The following CCDC57 variants were observed in gnomAD, a reference collection of about 807,000 sequenced individuals.
CCDC57 encodes coiled-coil domain containing 57, also known as coiled-coil domain-containing protein 57.
In CCDC57, 118 loss-of-function variants were observed where a neutral mutation model predicts 118.9. The ratio of observed to expected loss-of-function variants is 0.99; its 90% CI spans 0.86 to 1.16. The LOEUF (loss-of-function observed/expected upper bound fraction) is 1.16, where lower values mean the gene tolerates loss of function less well. Among genes scored for constraint, CCDC57 ranks in the 50% most tolerant of loss-of-function variants. The pLI is 0.00. For missense variants in CCDC57, 1,300 were observed against 1,320.7 expected, an observed-to-expected ratio of 0.98 and a Z score of 0.24; for synonymous variants, 527 against 532.9, an observed-to-expected ratio of 0.99 and a Z score of 0.15.
At chr17:82,109,813 C>T (rs1356219169) in intron 19 of CCDC57, among the ~76,000 whole-genome samples, 1 of 151,090 alleles carries the variant, frequency 6.6e-6, no homozygotes, top group Admixed American at 6.6e-5. Flanking sequence ...GCTGAGATCG[C>T]GCCACCGCAC....
At chr17:82,150,785 GCACACCCAGAACCTGACC>G (rs1296787809) in intron 16 of CCDC57, among the ~76,000 whole-genome samples, 29 of 89,974 alleles carry the variant, frequency 3.2e-4, no homozygotes, top group African/African-American at 1.2e-3. Flanking sequence ...AGAACCTGGT[GCACACCCAGAACCTGACC>G]CACACCCAGA....
chr17:82,161,341 G>A (rs138622252), intron 14 of CCDC57, among the ~76,000 whole-genome samples: 38 of 152,238 alleles, frequency 2.5e-4, no homozygotes, highest in Admixed American at 9.8e-4. Flanking sequence ...AAAACAGCAC[G>A]GTGGCTCCTC....
chr17:82,125,039 G>A (rs546721421), intron 19 of CCDC57, among the ~76,000 whole-genome samples: 7 of 152,208 alleles, frequency 4.6e-5, no homozygotes, highest in East Asian at 1.9e-4. Flanking sequence ...TCAGGAAGAC[G>A]GAGTGGGACG....
At chr17:82,120,911 A>G (rs1243152261) in intron 19 of CCDC57, among the ~76,000 whole-genome samples, 1 of 151,970 alleles carries the variant, frequency 6.6e-6, no homozygotes, top group Non-Finnish European at 1.5e-5. Context: ...GTCCGCCACC[A>G]CGCCCGGCTA....
At chr17:82,113,300 C>T (rs769674644) in intron 19 of CCDC57, 9 of 669,124 alleles carry the variant, frequency 1.3e-5, no homozygotes, top group Non-Finnish European at 2.5e-5. Context: ...TCTTGGATTC[C>T]TGTAGCTTCA....
intron 13 of CCDC57, among the ~76,000 whole-genome samples, chr17:82,165,113 A>G (rs1327807219): frequency 1.3e-5 from 2 of 152,252 alleles, no homozygotes; most frequent in African/African-American, 4.8e-5. Context: ...CTTGAGCCCA[A>G]GAGTTCAAGA....
exon 13 of CCDC57, chr17:82,171,703 G>T (rs1161031115): frequency 1.2e-6 from 2 of 1,609,860 alleles, no homozygotes; most frequent in Non-Finnish European, 1.7e-6. Flanking sequence ...GGACTTACCA[G>T]TCGTCTCTGT....
Position 82,172,067 on chromosome 17 carries a change from G to C in CCDC57, c.1730-214C>G, listed in dbSNP as rs2044816234. Reference sequence around the variant, plus strand: ...TCCCCTCACTGGCCAGAGTGTGCCAGCCAGAGACCAGCACAGTCTCCATGC... The same window carrying C: ...TCCCCTCACTGGCCAGAGTGTGCCACCCAGAGACCAGCACAGTCTCCATGC... On this transcript the variant is annotated intron_variant, in intron 12 of 19. Coordinates refer to ENST00000665763, the Ensembl canonical transcript of CCDC57. This position sits in a 1 kb window ranked among gnomAD's most constrained non-coding sequence, Gnocchi z 5.2. 6.6e-6 allele frequency among the ~76,000 whole-genome samples: 1 copy of C among 152,168 alleles called. No homozygotes were observed. Among genetic ancestry groups the C allele is most frequent in the African/African-American group, 2.4e-5 (1 of 41,446 alleles).
At chr17:82,191,102 A>G (rs1178421967) in intron 7 of CCDC57, among the ~76,000 whole-genome samples, 1 of 144,340 alleles carries the variant, frequency 6.9e-6, no homozygotes, top group Non-Finnish European at 1.5e-5. Context: ...TAATACGGCA[A>G]AAAAATAAAA....
intron 11 of CCDC57, among the ~76,000 whole-genome samples, chr17:82,177,785 A>G (rs1297821359): frequency 1.3e-5 from 2 of 152,126 alleles, no homozygotes; most frequent in Non-Finnish European, 2.9e-5. Context: ...GTGCTTGGGC[A>G]CACTTACATG....
intron 14 of CCDC57, among the ~76,000 whole-genome samples, chr17:82,158,924 C>T (rs1186989250): frequency 1.3e-5 from 2 of 151,964 alleles, no homozygotes; most frequent in East Asian, 3.9e-4. Context: ...GCGATCGTGG[C>T]TCGCCGCAGC....
chr17:82,170,714 T>C (rs999901936), intron 13 of CCDC57, among the ~76,000 whole-genome samples: 12 of 152,086 alleles, frequency 7.9e-5, no homozygotes, highest in African/African-American at 2.9e-4. Flanking sequence ...AATAAAACCG[T>C]TGTTTAAGCC....
Position 82,172,928 on chromosome 17 carries a change from G to GC in CCDC57, c.1507-69dup. 1 of 1,417,494 alleles carries GC rather than the reference G, an allele frequency of 7.1e-7. No homozygotes were observed. Among genetic ancestry groups the GC allele is most frequent in the Non-Finnish European group, 9.7e-7 (1 of 1,026,762 alleles). 87.8% of individuals were successfully genotyped at this position (1,417,494 alleles called of 1,614,324 possible). ...TCCCCAGCTTGTCCTGACAGGCTGT[G>GC]CCTCCGCTCTCCCCGCGCCCCTCTC... is the stretch of plus-strand genomic sequence containing the variant. On this transcript the variant is annotated intron_variant, in intron 11 of 19. Transcript: ENST00000665763. The surrounding 1 kb of genome is among the most constrained non-coding windows in gnomAD (Gnocchi z 5.2).
At chr17:82,154,042 G>A (rs1326330758) in intron 15 of CCDC57, 1 of 152,450 alleles carries the variant, frequency 6.6e-6, no homozygotes, top group Non-Finnish European at 1.5e-5. Flanking sequence ...CCAACACCAT[G>A]GCCAACACTG....
chr17:82,148,145 G>T (rs2041128002), intron 16 of CCDC57, among the ~76,000 whole-genome samples: 1 of 136,780 alleles, frequency 7.3e-6, no homozygotes, highest in African/African-American at 2.8e-5. Context: ...ATGGATGGAT[G>T]GATGGATGGA....
intron 15 of CCDC57, chr17:82,157,363 G>C: frequency 1.1e-6 from 1 of 932,862 alleles, no homozygotes; most frequent in Non-Finnish European, 1.3e-6. Flanking sequence ...CTAGGCATGG[G>C]GCAGGCATGG....
Position 82,194,149 on chromosome 17 carries a change from A to G in CCDC57, c.619-10T>C. 2 of 1,607,132 alleles carry G rather than the reference A, an allele frequency of 1.2e-6. No individual in the cohort carries two copies. Among genetic ancestry groups the G allele is most frequent in the Non-Finnish European group, 1.7e-6 (2 of 1,174,902 alleles). ...TGTGCAGTAGTTTAACCTTTGAATG[A>G]TAAAAATGAGTTCAAAATGAGGTGA... On this transcript the variant is annotated splice_polypyrimidine_tract_variant and intron_variant, in intron 5 of 19. Transcript: ENST00000665763.
intron 16 of CCDC57, among the ~76,000 whole-genome samples, chr17:82,137,004 G>A (rs960670597): frequency 2.1e-5 from 3 of 146,116 alleles, no homozygotes; most frequent in African/African-American, 7.6e-5. Flanking sequence ...TTGTTTCCTT[G>A]GTGTACTACT....
At chr17:82,181,264 C>T (rs552370826) in intron 9 of CCDC57, among the ~76,000 whole-genome samples, 1 of 152,370 alleles carries the variant, frequency 6.6e-6, no homozygotes, top group East Asian at 1.9e-4. Context: ...GCAGCCAGCA[C>T]GGGGCTCCAC....
Sources: allele counts gnomAD v4.1 joint callset (sites outside exome capture counted in the v4.1 genomes callset), GRCh38; gene constraint gnomAD v4.1.1; non-coding constraint Gnocchi (gnomAD v3.1); transcripts MANE v1.5; gene names NCBI Gene and HGNC (gene_info 2026-07-23, HGNC 2026-07-21).